The following MCF2 variants were observed in gnomAD, a reference collection of about 807,000 sequenced individuals.
MCF2 encodes the protein proto-oncogene DBL.
A neutral mutation model predicts 82.5 loss-of-function variants in MCF2; 44 were observed. The ratio of observed to expected loss-of-function variants is 0.53; its 90% CI spans 0.42 to 0.69. The LOEUF (loss-of-function observed/expected upper bound fraction) is 0.69. MCF2 is among the 30% of genes least tolerant of loss of function. The pLI, the probability that MCF2 is intolerant of heterozygous loss-of-function variation, is 0.00. For synonymous variants in MCF2, 217 were observed against 224.9 expected (o/e 0.96, Z 0.32); for missense variants, 623 against 663.1 (o/e 0.94, Z 0.66).
At chrX:139,596,503 C>T in intron 19 of MCF2, 46 bp downstream of exon 23, 1 of 1,003,912 alleles carries the variant, frequency 1.0e-6, no homozygotes, top group Middle Eastern at 2.6e-4. Context: ...CTGGGAGACA[C>T]ACACACACGA....
chrX:139,698,230 C>T (rs894752812), intron 1 of MCF2, among the ~76,000 whole-genome samples: 3 of 112,700 alleles, frequency 2.7e-5, no homozygotes, highest in East Asian at 2.8e-4. Context: ...ATTTCCAATG[C>T]AATTATACTT....
intron 15 of MCF2, among the ~76,000 whole-genome samples, chrX:139,603,576 C>T (rs1223268588): frequency 8.9e-6 from 1 of 112,438 alleles, no homozygotes; most frequent in Non-Finnish European, 1.9e-5. Context: ...TGGCTCACGC[C>T]TGTAATCCCA....
chrX:139,595,444 G>A lies in MCF2; in HGVS notation c.2277+1105C>T, dbSNP rs1368008922. ...CCTTTGTAGGGACATGGATGAAATTGGAAATCATCATTCTCAGTAAACTAT... is the reference window on the plus strand; with the variant it reads ...CCTTTGTAGGGACATGGATGAAATTAGAAATCATCATTCTCAGTAAACTAT... On this transcript the variant is annotated intron_variant, in intron 19 of 24. Coordinates refer to ENST00000370576, the Ensembl canonical transcript of MCF2. Among the ~76,000 whole-genome samples, 384 of 107,832 alleles carry A rather than the reference G, an allele frequency of 3.6e-3. 4 individuals carry two copies. The highest frequency in any genetic ancestry group is 0.011 in the African/African-American group (339 of 29,659). 93.6% of individuals were successfully genotyped at this position (107,832 alleles called of 115,157 possible). A position where few individuals can be genotyped will look rare whatever the true frequency, so the allele number is the denominator to read the frequency against.
chrX:139,652,620 C>T (rs1339504165), intron 1 of MCF2, among the ~76,000 whole-genome samples: 3 of 111,860 alleles, frequency 2.7e-5, no homozygotes, highest in Admixed American at 9.5e-5. Context: ...AAGTACACTA[C>T]CTGCCTCTGG....
rs145799439 is a variant in MCF2 at position 139,684,379 on chromosome X, G to A, written c.-45+23727C>T. Among the ~76,000 whole-genome samples, 1,036 of 112,026 alleles carry A rather than the reference G, an allele frequency of 9.2e-3. 10 individuals are homozygous for A. Among genetic ancestry groups the A allele is most frequent in the African/African-American group, 0.031 (971 of 30,853 alleles). ...TATAACCCTCATATGTTGATGGTGG[G>A]AATGTAAAAGGGTGCAGCTGCTTTG... is the stretch of plus-strand genomic sequence containing the variant. On this transcript the variant is annotated intron_variant, in intron 1 of 27. Coordinates refer to the MCF2 transcript ENST00000414978.
exon 21 of MCF2, chrX:139,588,425 T>A (rs1354566858): frequency 1.7e-6 from 2 of 1,191,741 alleles, no homozygotes; most frequent in East Asian, 3.0e-5. Context: ...CATCTTCACA[T>A]CTACATTAGA....
intron 6 of MCF2, among the ~76,000 whole-genome samples, chrX:139,620,626 G>T (rs930654502): frequency 9.0e-6 from 1 of 110,992 alleles, no homozygotes; most frequent in Non-Finnish European, 1.9e-5. Context: ...ACCACAAAAA[G>T]AATAAAATAC....
At chrX:139,607,600 C>A in intron 12 of MCF2, 91 bp downstream of exon 16, 1 of 596,543 alleles carries the variant, frequency 1.7e-6, no homozygotes, top group Non-Finnish European at 2.5e-6. Flanking sequence ...ATTCTGTGAA[C>A]TCAAATTTCT....
intron 1 of MCF2, chrX:139,692,189 G>T (rs1935287469): frequency 2.1e-6 from 2 of 934,567 alleles, no homozygotes; most frequent in Admixed American, 2.7e-5. Context: ...CCATCCTCAC[G>T]CTGGAGAGCC....
At chrX:139,591,144 G>GA (rs1420904139) in intron 19 of MCF2, among the ~76,000 whole-genome samples, 1 of 111,233 alleles carries the variant, frequency 9.0e-6, no homozygotes, top group Admixed American at 9.6e-5. Context: ...GTCTGGATTG[G>GA]AATACATCTC....
At position 139,588,263 on chromosome X, in the gene MCF2, A is replaced by G. The variant is rs1603272955; in HGVS notation, c.2449+97T>C. 1.8e-5 allele frequency: 10 copies of G among 564,368 alleles called. No individual in the cohort carries two copies. In the East Asian group the frequency reaches 3.1e-4, roughly 18 times the overall value. 46.5% of individuals were successfully genotyped at this position (564,368 alleles called of 1,213,427 possible). ...TCTTCTCATTGTAATAGTATAAAGT[A>G]AATATCAGCCCCATTCTCTGGAAAA... On this transcript the variant is annotated intron_variant, in intron 21 of 24. Transcript: ENST00000370576.
chrX:139,670,042 C>T (rs1376329810), intron 1 of MCF2, among the ~76,000 whole-genome samples: 2 of 111,466 alleles, frequency 1.8e-5, no homozygotes, highest in East Asian at 5.6e-4. Flanking sequence ...TTGTATTATA[C>T]GTGTATTATA....
rs1293941590 is a variant in MCF2 at position 139,613,163 on chromosome X, T to A, written c.1363+1718A>T. The A allele has an allele frequency of 3.2e-6, 3 of 946,943 alleles. No homozygotes were observed. In the African/African-American group the frequency reaches 5.9e-5, roughly 19 times the overall value. 78.0% of individuals were successfully genotyped at this position (946,943 alleles called of 1,213,427 possible). ...AGATGCCAAACTGGTTTTTCACATG[T>A]ACACAAACTCAGAAAAATGTATTGG... is the stretch of plus-strand genomic sequence containing the variant. On this transcript the variant is annotated intron_variant, in intron 10 of 24. Transcript: ENST00000370576.
chrX:139,596,515 A>G (rs373217903), intron 19 of MCF2, 34 bp downstream of exon 23: 2 of 1,095,936 alleles, frequency 1.8e-6, no homozygotes, highest in African/African-American at 1.8e-5. Context: ...CACACACGAA[A>G]CAATACTACA....
rs1032811432 is a variant in MCF2 at position 139,703,464 on chromosome X, C to T, written c.-45+4642G>A. Among the ~76,000 whole-genome samples, 5 of 111,795 alleles carry T rather than the reference C, an allele frequency of 4.5e-5. No individual in the cohort carries two copies. In the Admixed American group the frequency reaches 4.7e-4, roughly 11 times the overall value. On this transcript the variant is annotated intron_variant, in intron 1 of 27. Transcript: ENST00000414978. ...AAAATAGGAAAGGATAGGCTGGGCACGGTGGCTCATGCCTGTAATCCCAGC... is the reference window on the plus strand; with the variant it reads ...AAAATAGGAAAGGATAGGCTGGGCATGGTGGCTCATGCCTGTAATCCCAGC...
intron 6 of MCF2, among the ~76,000 whole-genome samples, chrX:139,620,392 C>A (rs79082848): frequency 0.011 from 1,167 of 110,971 alleles, 21 homozygotes; most frequent in African/African-American, 0.035. Context: ...TATAAACAAT[C>A]AAAAAACTAG....
intron 1 of MCF2, among the ~76,000 whole-genome samples, chrX:139,685,534 C>T (rs971802568): frequency 5.4e-5 from 6 of 111,273 alleles, no homozygotes; most frequent in Non-Finnish European, 9.4e-5. Context: ...TCACGACCCT[C>T]TCAAGTGGAC....
intron 2 of MCF2, among the ~76,000 whole-genome samples, chrX:139,648,761 T>G (rs1933893108): frequency 8.9e-6 from 1 of 112,304 alleles, no homozygotes; most frequent in Admixed American, 9.4e-5. Flanking sequence ...CTGTCTAATA[T>G]TTGACAAAGT....
chrX:139,635,508 T>G, intron 1 of MCF2, among the ~76,000 whole-genome samples: 1 of 110,001 alleles, frequency 9.1e-6, no homozygotes, highest in Admixed American at 9.7e-5. Context: ...ATACAAAAAA[T>G]TAGCCGGGTG....
Sources: allele counts gnomAD v4.1 joint callset (sites outside exome capture counted in the v4.1 genomes callset), GRCh38; gene constraint gnomAD v4.1.1; transcripts MANE v1.5; gene names NCBI Gene and HGNC (gene_info 2026-07-23, HGNC 2026-07-21).